LMO7: variants seen among roughly 807,000 people sequenced by gnomAD.
The protein encoded by LMO7 is LIM domain only protein 7.
In LMO7, 120 loss-of-function variants were observed where a neutral mutation model predicts 206.5. The observed-to-expected ratio is 0.58, with a 90% CI of 0.50 to 0.68. The LOEUF is 0.68. Among genes scored for constraint, LMO7 ranks in the 30% least tolerant of loss-of-function variants. LMO7 has a pLI of 0.00. For missense variants in LMO7, 1,959 were observed against 1,957.9 expected, an observed-to-expected ratio of 1.00 and a Z score of -0.01; for synonymous variants, 706 against 681.5, an observed-to-expected ratio of 1.04 and a Z score of -0.56.
At chr13:75,776,958 A>G (rs893942943) in intron 4 of LMO7, among the ~76,000 whole-genome samples, 2 of 152,202 alleles carry the variant, frequency 1.3e-5, no homozygotes, top group African/African-American at 4.8e-5. Context: ...GAAGGTACTA[A>G]GGACATAATC....
chr13:75,750,261 A>C (rs2047165862), intron 3 of LMO7, among the ~76,000 whole-genome samples: 1 of 152,116 alleles, frequency 6.6e-6, no homozygotes, highest in Non-Finnish European at 1.5e-5. Context: ...TCTCTGGGTG[A>C]CTTATGTGCA....
chr13:75,817,361 C>T, intron 12 of LMO7, 83 bp downstream of exon 12: 1 of 818,126 alleles, frequency 1.2e-6, no homozygotes, highest in East Asian at 2.5e-5. Context: ...TACTCAAGAC[C>T]ATTTTCCTTG....
intron 3 of LMO7, among the ~76,000 whole-genome samples, chr13:75,744,844 A>G (rs1171768898): frequency 6.6e-6 from 1 of 152,220 alleles, no homozygotes; most frequent in Non-Finnish European, 1.5e-5. Context: ...GGGGGGTTGC[A>G]GGGAGTACAG....
In LMO7 at chr13:75,760,758, G is replaced by A. The variant is rs927154740; in HGVS notation, c.211-174G>A. On this transcript the variant is annotated intron_variant, in intron 3 of 30. Coordinates refer to ENST00000377534, the MANE Select transcript of LMO7 (RefSeq NM_001306080.2). ...CTGTGTATGCTCTGGAGGACTGAAA[G>A]GCTGTACAAGCCCTATGTATTTTTT... 7 of 1,536,960 alleles carry A rather than the reference G, an allele frequency of 4.6e-6. No individual in the cohort carries two copies. In the South Asian group the frequency reaches 8.3e-5, roughly 18 times the overall value.
At chr13:75,742,475 A>G (rs964727493) in intron 3 of LMO7, among the ~76,000 whole-genome samples, 1 of 152,202 alleles carries the variant, frequency 6.6e-6, no homozygotes, top group African/African-American at 2.4e-5. Context: ...CTCAAACTAT[A>G]CTACAGGGCT....
chr13:75,842,826 A>C, intron 24 of LMO7, 25 bp from the exon 25 acceptor site: 1 of 1,473,302 alleles, frequency 6.8e-7, no homozygotes, highest in Non-Finnish European at 9.5e-7. Flanking sequence ...ATATTTTGAC[A>C]ACAAAATCTT....
intron 3 of LMO7, among the ~76,000 whole-genome samples, chr13:75,737,632 A>C (rs2045951158): frequency 6.9e-6 from 1 of 145,632 alleles, no homozygotes; most frequent in African/African-American, 2.5e-5. Flanking sequence ...GGGCGCCTGT[A>C]GTCCCAGCTA....
chr13:75,855,698 G>A (rs578175701), intron 29 of LMO7, among the ~76,000 whole-genome samples: 1 of 152,288 alleles, frequency 6.6e-6, no homozygotes, highest in South Asian at 2.1e-4. Flanking sequence ...TGTTGTTAAG[G>A]GCAGGGACAC....
intron 3 of LMO7, among the ~76,000 whole-genome samples, chr13:75,738,353 A>C (rs966948118): frequency 1.3e-5 from 2 of 152,200 alleles, no homozygotes; most frequent in South Asian, 4.1e-4. Flanking sequence ...CCTGTGGGAA[A>C]ACCATAGAAG....
At chr13:75,819,685 C>A in intron 13 of LMO7, 150 bp downstream of exon 13, 7 of 760,664 alleles carry the variant, frequency 9.2e-6, no homozygotes, top group South Asian at 4.0e-5. Flanking sequence ...TTTTGGTCTG[C>A]GGTGAAAAAA....
intron 4 of LMO7, among the ~76,000 whole-genome samples, chr13:75,770,041 G>A (rs555749377): frequency 1.4e-4 from 21 of 151,954 alleles, no homozygotes; most frequent in Non-Finnish European, 2.6e-4. Context: ...TGTATAATAG[G>A]GGTATATTCA....
chr13:75,768,712 T>TC (rs2049230289), intron 4 of LMO7, among the ~76,000 whole-genome samples: 1 of 152,120 alleles, frequency 6.6e-6, no homozygotes, highest in African/African-American at 2.4e-5. Context: ...AAAGAGGTTA[T>TC]CCTTTAGATA....
chr13:75,807,014 G>A (rs959003958), intron 9 of LMO7: 1 of 157,280 alleles, frequency 6.4e-6, no homozygotes, highest in Non-Finnish European at 1.4e-5. Flanking sequence ...CCAGCTACTC[G>A]GAAGGCTGAG....
intron 18 of LMO7, 35 bp from the exon 19 acceptor site, chr13:75,836,362 G>C (rs1351670658): frequency 8.3e-7 from 1 of 1,197,662 alleles, no homozygotes; most frequent in East Asian, 2.5e-5. Context: ...AGTCCAACTG[G>C]AGAGAATATT....
At chr13:75,785,269 C>T (rs947487976) in intron 4 of LMO7, among the ~76,000 whole-genome samples, 4 of 152,198 alleles carry the variant, frequency 2.6e-5, no homozygotes, top group African/African-American at 4.8e-5. Context: ...TGATTACCCT[C>T]ATACTATTAA....
chr13:75,735,021 C>T (rs2045660108), intron 3 of LMO7, among the ~76,000 whole-genome samples: 1 of 151,726 alleles, frequency 6.6e-6, no homozygotes, highest in African/African-American at 2.4e-5. Flanking sequence ...TGGTGTGAAC[C>T]CAGGAGGTGG....
intron 4 of LMO7, among the ~76,000 whole-genome samples, chr13:75,788,328 G>A (rs562785307): frequency 2.6e-5 from 4 of 151,762 alleles, no homozygotes; most frequent in South Asian, 2.1e-4. Context: ...GCGTGTTGGC[G>A]GGCTAATCCC....
intron 3 of LMO7, among the ~76,000 whole-genome samples, chr13:75,745,810 G>A (rs958646918): frequency 6.6e-6 from 1 of 152,178 alleles, no homozygotes; most frequent in East Asian, 1.9e-4. Context: ...TAAGTATAGA[G>A]CCTGCTGCTT....
At chr13:75,727,165 CA>C (rs1330380728) in intron 3 of LMO7, 67 bp downstream of exon 3, 16 of 1,004,056 alleles carry the variant, frequency 1.6e-5, no homozygotes, top group Non-Finnish European at 2.3e-5. Flanking sequence ...TGGGCATAGG[CA>C]GATTTTTGTA....
Sources: allele counts gnomAD v4.1 joint callset (sites outside exome capture counted in the v4.1 genomes callset), GRCh38; gene constraint gnomAD v4.1.1; transcripts MANE v1.5; gene names NCBI Gene and HGNC (gene_info 2026-07-23, HGNC 2026-07-21).